The following C22orf39 variants were observed in gnomAD, a reference collection of about 807,000 sequenced individuals.
C22orf39 encodes the protein synaptic plasticity regulator PANTS.
Under a neutral mutation model 18.3 loss-of-function variants are expected in C22orf39, and 20 were observed. The observed-to-expected ratio is 1.09, with a 90% CI of 0.77 to 1.59. The LOEUF (loss-of-function observed/expected upper bound fraction) is 1.59. Among genes scored for constraint, C22orf39 ranks in the 40% most tolerant of loss-of-function variants. The probability of loss-of-function intolerance (pLI) is 0.00; values close to 1 mark genes in which losing one functional copy is unlikely to be tolerated. For synonymous variants in C22orf39, 63 were observed against 59.6 expected (o/e 1.06, Z -0.26); for missense variants, 195 against 156.1 (o/e 1.25, Z -1.33).
intron 2 of C22orf39, 69 bp downstream of exon 2, chr22:19,447,309 G>T: frequency 1.5e-6 from 2 of 1,373,880 alleles, no homozygotes; most frequent in Non-Finnish European, 1.9e-6. Flanking sequence ...GGCATGGGGC[G>T]TGGAGGGGTG....
intron 2 of C22orf39, among the ~76,000 whole-genome samples, chr22:19,444,932 G>A (rs2089632526): frequency 6.6e-6 from 1 of 152,182 alleles, no homozygotes. Flanking sequence ...AGCTTCTCTT[G>A]GCTACTGTCT....
At chr22:19,446,156 G>A (rs1442782883) in intron 2 of C22orf39, among the ~76,000 whole-genome samples, 4 of 151,816 alleles carry the variant, frequency 2.6e-5, no homozygotes, top group African/African-American at 9.7e-5. Flanking sequence ...GTGTCCTTTG[G>A]CCATTTTTCC....
intron 2 of C22orf39, among the ~76,000 whole-genome samples, chr22:19,446,905 C>T (rs1203488190): frequency 6.6e-6 from 1 of 152,114 alleles, no homozygotes; most frequent in Non-Finnish European, 1.5e-5. Context: ...TCGAATTATG[C>T]CTCCCAGCAC....
rs945333417 is a variant in C22orf39, at chr22:19,442,902, T to C, written c.*1363A>G. ...CTGTGTTTAAGAGTAAGAAAAACCT[T>C]GTAGATCTCTAGCAGTCTTCCTCTC... is the stretch of plus-strand genomic sequence containing the variant. On this transcript the variant is annotated 3_prime_UTR_variant, in exon 3 of 3. Coordinates refer to ENST00000399562, the MANE Select transcript of C22orf39 (RefSeq NM_173793.5). 1.3e-5 allele frequency: 2 copies of C among 153,412 alleles called. No individual in the cohort carries two copies. Among genetic ancestry groups the C allele is most frequent in the Non-Finnish European group, 2.9e-5 (2 of 69,166 alleles). The allele number at this position is 153,412 out of a possible 1,614,324, so 9.5% of individuals were successfully genotyped here. A position where few individuals can be genotyped will look rare whatever the true frequency, so the allele number is the denominator to read the frequency against.
rs1285332001 is a variant in C22orf39, at chr22:19,443,776, G to A, written c.*489C>T. ...GCCTGCATGTGCAGTGGAACTGAGCGAGTGGAGCAGAGTGTGAGCACTCAC... is the reference window on the plus strand; with the variant it reads ...GCCTGCATGTGCAGTGGAACTGAGCAAGTGGAGCAGAGTGTGAGCACTCAC... On this transcript the variant is annotated 3_prime_UTR_variant, in exon 3 of 3. Coordinates refer to ENST00000399562, the MANE Select transcript of C22orf39 (RefSeq NM_173793.5). The A allele has an allele frequency of 8.1e-6, 8 of 984,880 alleles. No homozygotes were observed. Among genetic ancestry groups the A allele is most frequent in the Middle Eastern group, 5.2e-4 (1 of 1,936 alleles). 61.0% of individuals were successfully genotyped at this position (984,880 alleles called of 1,614,324 possible). A position where few individuals can be genotyped will look rare whatever the true frequency, so the allele number is the denominator to read the frequency against.
chr22:19,447,076 G>A (rs909307671), intron 2 of C22orf39, among the ~76,000 whole-genome samples: 2 of 152,040 alleles, frequency 1.3e-5, no homozygotes, highest in African/African-American at 4.8e-5. Flanking sequence ...TGGTCACTCA[G>A]GACTCAGCAA....
chr22:19,447,673 C>G lies in C22orf39; in HGVS notation c.16G>C (p.Gly6Arg). The G allele has an allele frequency of 1.2e-6, 2 of 1,610,980 alleles. No homozygotes were observed. Among genetic ancestry groups the G allele is most frequent in the Non-Finnish European group, 1.7e-6 (2 of 1,178,952 alleles). Residue 6 changes from glycine (G) to arginine (R), a missense_variant, in exon 1 of 3, where the codon GGC becomes CGC. Transcript: ENST00000399562. ...CGACCCAGCACACTCACCTGCCAGC[C>G]GCTGCCGTCCGCCATGTCTGGGCGA... is the stretch of plus-strand genomic sequence containing the variant. The part of the protein sequence containing the change: MADGS[G>R]WQPPRPCEAY...
At position 19,444,189 on chromosome 22, in the gene C22orf39, C is replaced by A; in HGVS notation, c.*76G>T. The A allele has an allele frequency of 1.4e-6, 2 of 1,465,104 alleles. No individual in the cohort carries two copies. Among genetic ancestry groups the A allele is most frequent in the South Asian group, 1.5e-5 (1 of 68,266 alleles). The allele number at this position is 1,465,104 out of a possible 1,614,324, so 90.8% of individuals were successfully genotyped here. A position where few individuals can be genotyped will look rare whatever the true frequency, so the allele number is the denominator to read the frequency against. On this transcript the variant is annotated 3_prime_UTR_variant, in exon 3 of 3. Transcript: ENST00000399562. The stretch of plus-strand genomic sequence containing the variant: ...GACCCACCAGACTGTGTAGGCTGGT[C>A]ACAGTCCCCAGGGCTGTGCAACAGC...
At position 19,441,653 on chromosome 22, in the gene C22orf39, C is replaced by T; in HGVS notation, c.*2612G>A. 1.4e-6 allele frequency: 2 copies of T among 1,441,808 alleles called. No homozygotes were observed. Among genetic ancestry groups the T allele is most frequent in the South Asian group, 2.4e-5 (2 of 81,804 alleles). 89.3% of individuals were successfully genotyped at this position (1,441,808 alleles called of 1,614,324 possible). A position where few individuals can be genotyped will look rare whatever the true frequency, so the allele number is the denominator to read the frequency against. Reference sequence around the variant, plus strand: ...AAGTGATTCTTCTGCCTCAGCCTCCCAAGTAGCTGAGATTACAGGTGTGAG... The same window carrying T: ...AAGTGATTCTTCTGCCTCAGCCTCCTAAGTAGCTGAGATTACAGGTGTGAG... On this transcript the variant is annotated 3_prime_UTR_variant, in exon 3 of 3. Transcript: ENST00000399562.
chr22:19,443,005 T>G lies in C22orf39; in HGVS notation c.*1260A>C. Reference sequence around the variant, plus strand: ...AGGCACCCTGGTTGCCTTAGACACATCAGTACTCCCCTGATGATGGGGGAA... The same window carrying G: ...AGGCACCCTGGTTGCCTTAGACACAGCAGTACTCCCCTGATGATGGGGGAA... On this transcript the variant is annotated 3_prime_UTR_variant, in exon 3 of 3. Coordinates refer to ENST00000399562, the MANE Select transcript of C22orf39 (RefSeq NM_173793.5). The G allele has an allele frequency of 2.3e-6, 1 of 437,526 alleles. No homozygotes were observed. The highest frequency in any genetic ancestry group is 3.0e-6 in the Non-Finnish European group (1 of 329,582). 27.1% of individuals were successfully genotyped at this position (437,526 alleles called of 1,614,324 possible).
rs1413318799 is a variant in C22orf39, at chr22:19,441,681, A to C, written c.*2584T>G. On this transcript the variant is annotated 3_prime_UTR_variant, in exon 3 of 3. Coordinates refer to ENST00000399562, the MANE Select transcript of C22orf39 (RefSeq NM_173793.5). ...GTAGCTGAGATTACAGGTGTGAGCC[A>C]CCACACTTAGCACCTGTCCAAAAAG... 1 of 1,544,696 alleles carries C rather than the reference A, an allele frequency of 6.5e-7. No individual in the cohort carries two copies. The highest frequency in any genetic ancestry group is 8.8e-7 in the Non-Finnish European group (1 of 1,141,202).
rs1453337575 is a variant in C22orf39 at position 19,447,488 on chromosome 22, G to A, written c.82C>T (p.His28Tyr). 3 of 1,502,498 alleles carry A rather than the reference G, an allele frequency of 2.0e-6. No individual in the cohort carries two copies. The highest frequency in any genetic ancestry group is 4.3e-5 in the Admixed American group (2 of 45,992). 93.1% of individuals were successfully genotyped at this position (1,502,498 alleles called of 1,614,324 possible). ...TGGACGTAGTAGTGGTGTAGGAAGT[G>A]CCTGGCGCTGCGGCAGAGCTTCCAC... ...AEWKLCRSAR[H>Y]FLHHYYVHGE... The change falls in exon 2 of 3, where the codon CAC becomes TAC. Residue 28 changes from histidine (H) to tyrosine (Y), a missense_variant. Coordinates refer to ENST00000399562, the MANE Select transcript of C22orf39 (RefSeq NM_173793.5).
chr22:19,443,898 C>A lies in C22orf39; in HGVS notation c.*367G>T, dbSNP rs966730667. 5.2e-5 allele frequency: 53 copies of A among 1,012,988 alleles called. No individual in the cohort carries two copies. The highest frequency in any genetic ancestry group is 6.0e-5 in the Non-Finnish European group (51 of 848,476). The allele number at this position is 1,012,988 out of a possible 1,614,324, so 62.7% of individuals were successfully genotyped here. ...TGTTTAGCTACCTCATTATGACCCA[C>A]CTGTGTGTCCACACAGGTCAGGGCT... is the stretch of plus-strand genomic sequence containing the variant. On this transcript the variant is annotated 3_prime_UTR_variant, in exon 3 of 3. Coordinates refer to ENST00000399562, the MANE Select transcript of C22orf39 (RefSeq NM_173793.5).
At position 19,444,077 on chromosome 22, in the gene C22orf39, G is replaced by A. The variant is rs1269591678; in HGVS notation, c.*188C>T. On this transcript the variant is annotated 3_prime_UTR_variant, in exon 3 of 3. Coordinates refer to ENST00000399562, the MANE Select transcript of C22orf39 (RefSeq NM_173793.5). ...CAATTGTCCTGCAGAACATCGCAGT[G>A]TCAGGGTATCCTGCATGCAGGTGAG... is the stretch of plus-strand genomic sequence containing the variant. 1.5e-6 allele frequency: 2 copies of A among 1,330,866 alleles called. No individual in the cohort carries two copies. The highest frequency in any genetic ancestry group is 3.1e-5 in the African/African-American group (2 of 65,084). 82.4% of individuals were successfully genotyped at this position (1,330,866 alleles called of 1,614,324 possible).
At chr22:19,444,936 A>T (rs1427290979) in intron 2 of C22orf39, among the ~76,000 whole-genome samples, 4 of 152,178 alleles carry the variant, frequency 2.6e-5, no homozygotes, top group Non-Finnish European at 5.9e-5. Context: ...TCTCTTGGCT[A>T]CTGTCTCCCA....
In C22orf39 at chr22:19,443,732, C is replaced by T. The variant is rs1462574532; in HGVS notation, c.*533G>A. 2.0e-6 allele frequency: 2 copies of T among 984,834 alleles called. No individual in the cohort carries two copies. The highest frequency in any genetic ancestry group is 2.4e-6 in the Non-Finnish European group (2 of 829,900). 61.0% of individuals were successfully genotyped at this position (984,834 alleles called of 1,614,324 possible). A position where few individuals can be genotyped will look rare whatever the true frequency, so the allele number is the denominator to read the frequency against. ...GCTGGTGCAGAGGGGCCAGCAAGCC[C>T]TACCTGCTCGGCACACCTGCCTGCA... On this transcript the variant is annotated 3_prime_UTR_variant, in exon 3 of 3. Transcript: ENST00000399562.
At chr22:19,447,574 G>T in intron 1 of C22orf39, 29 bp from the exon 2 acceptor site, 5 of 1,405,316 alleles carry the variant, frequency 3.6e-6, no homozygotes, top group Non-Finnish European at 4.6e-6. Context: ...CCTGAGCGGG[G>T]CCCGGCGGCC....
rs1601877961 is a variant in C22orf39 at position 19,443,362 on chromosome 22, G to A, written c.*903C>T. 2.0e-6 allele frequency: 2 copies of A among 985,616 alleles called. No homozygotes were observed. Among genetic ancestry groups the A allele is most frequent in the African/African-American group, 3.5e-5 (2 of 57,338 alleles). The allele number at this position is 985,616 out of a possible 1,614,324, so 61.1% of individuals were successfully genotyped here. On this transcript the variant is annotated 3_prime_UTR_variant, in exon 3 of 3. Coordinates refer to ENST00000399562, the MANE Select transcript of C22orf39 (RefSeq NM_173793.5). Reference sequence around the variant, plus strand: ...ATTAGTAATAAACAGACCTCTTCAAGAAATAGTGTTTTTGGTGGTTCATAC... The same window carrying A: ...ATTAGTAATAAACAGACCTCTTCAAAAAATAGTGTTTTTGGTGGTTCATAC...
intron 2 of C22orf39, 34 bp downstream of exon 2, chr22:19,447,344 C>A: frequency 6.9e-7 from 1 of 1,439,280 alleles, no homozygotes; most frequent in South Asian, 1.4e-5. Flanking sequence ...CCGCAAGGCG[C>A]TCCGAAGCGC....
Sources: allele counts gnomAD v4.1 joint callset (sites outside exome capture counted in the v4.1 genomes callset), GRCh38; gene constraint gnomAD v4.1.1; transcripts MANE v1.5; gene names NCBI Gene and HGNC (gene_info 2026-07-23, HGNC 2026-07-21).